BCL2L1: variants seen among roughly 807,000 people sequenced by gnomAD.
BCL2L1 encodes BCL2 like 1.
In BCL2L1, 1 loss-of-function variant was observed where a neutral mutation model predicts 18.7. The ratio of observed to expected loss-of-function variants is 0.05; its 90% CI spans 0.02 to 0.25. BCL2L1 has a LOEUF of 0.25. Ranked by LOEUF, BCL2L1 falls within the 10% of genes least tolerant of loss-of-function variation. The pLI is 1.00. For synonymous variants in BCL2L1, 103 were observed against 122.7 expected (o/e 0.84, Z 1.06); for missense variants, 207 against 304.9 (o/e 0.68, Z 2.39).
At chr20:31,681,548 G>A (rs2060861821) in intron 2 of BCL2L1, among the ~76,000 whole-genome samples, 1 of 152,170 alleles carries the variant, frequency 6.6e-6, no homozygotes, top group South Asian at 2.1e-4. Flanking sequence ...GGCTGAGGTG[G>A]GAGGACTGCT....
rs1319740423 is a variant in BCL2L1, at chr20:31,666,104, G to A, written c.565-18C>T. On this transcript the variant is annotated intron_variant, in intron 2 of 2. Coordinates refer to ENST00000307677, the MANE Select transcript of BCL2L1 (RefSeq NM_138578.3). ...AAAGTATCCTGCAGGGAGAGAGAAG[G>A]AAGGTGCAGTTTTAGTCCTCAGAGA... is the stretch of plus-strand genomic sequence containing the variant. 6.2e-7 allele frequency: 1 copy of A among 1,613,716 alleles called. No homozygotes were observed. The highest frequency in any genetic ancestry group is 1.3e-5 in the African/African-American group (1 of 74,920).
intron 2 of BCL2L1, among the ~76,000 whole-genome samples, chr20:31,676,476 A>G (rs1232175980): frequency 6.6e-6 from 1 of 152,112 alleles, no homozygotes; most frequent in Non-Finnish European, 1.5e-5. Context: ...ATGTGCTCAT[A>G]TAGGCTCATC....
chr20:31,706,230 C>T (rs756015270), intron 2 of BCL2L1, among the ~76,000 whole-genome samples: 2 of 152,156 alleles, frequency 1.3e-5, no homozygotes, highest in South Asian at 2.1e-4. Flanking sequence ...TGAAGTCCAG[C>T]GTAGGCAGGT....
At chr20:31,685,027 G>A (rs1480654937) in intron 2 of BCL2L1, among the ~76,000 whole-genome samples, 1 of 152,196 alleles carries the variant, frequency 6.6e-6, no homozygotes, top group Admixed American at 6.5e-5. Flanking sequence ...CTAGATTTTA[G>A]AGACTCTATA....
chr20:31,690,796 A>G (rs1231377010), intron 2 of BCL2L1, among the ~76,000 whole-genome samples: 1 of 152,118 alleles, frequency 6.6e-6, no homozygotes, highest in African/African-American at 2.4e-5. Context: ...TTAAAAAAGA[A>G]AAAAGGAAAA....
At chr20:31,698,289 G>T (rs780287396) in intron 2 of BCL2L1, among the ~76,000 whole-genome samples, 1 of 152,112 alleles carries the variant, frequency 6.6e-6, no homozygotes, top group Non-Finnish European at 1.5e-5. Flanking sequence ...CGCCCAGGTT[G>T]GAGTTCTGTG....
At chr20:31,710,739 G>T (rs2061442308) in intron 2 of BCL2L1, among the ~76,000 whole-genome samples, 1 of 152,248 alleles carries the variant, frequency 6.6e-6, no homozygotes. Flanking sequence ...CTACAGGTTT[G>T]GCACAGTTTG....
rs115065324 is a variant in BCL2L1, at chr20:31,693,333, A to G, written c.565-27247T>C. Among the ~76,000 whole-genome samples, 625 of 151,990 alleles carry G rather than the reference A, an allele frequency of 4.1e-3. 2 individuals carry two copies. Among genetic ancestry groups the G allele is most frequent in the African/African-American group, 0.014 (600 of 41,474 alleles). On this transcript the variant is annotated intron_variant, in intron 2 of 2. Transcript: ENST00000307677. The stretch of plus-strand genomic sequence containing the variant: ...AAATAATAATAATAATTAAAAAATT[A>G]GCTACTTGGCAGGCTGAGGCAGGAG...
intron 2 of BCL2L1, among the ~76,000 whole-genome samples, chr20:31,707,365 T>C (rs1199535423): frequency 2.0e-5 from 3 of 152,224 alleles, no homozygotes; most frequent in African/African-American, 4.8e-5. Flanking sequence ...GTGATTGCAA[T>C]GTGACAATAA....
intron 2 of BCL2L1, among the ~76,000 whole-genome samples, chr20:31,679,165 T>A (rs780054774): frequency 4.6e-5 from 7 of 152,182 alleles, no homozygotes; most frequent in African/African-American, 1.7e-4. Context: ...AACAGTAAGA[T>A]GCCTGAGATG....
chr20:31,690,616 G>A (rs1365905496), intron 2 of BCL2L1, among the ~76,000 whole-genome samples: 3 of 151,018 alleles, frequency 2.0e-5, no homozygotes, highest in Non-Finnish European at 4.4e-5. Context: ...TGTTGCCCAG[G>A]CTGGAATGCA....
At chr20:31,711,170 C>G (rs963290330) in intron 2 of BCL2L1, among the ~76,000 whole-genome samples, 19 of 152,180 alleles carry the variant, frequency 1.2e-4, no homozygotes, top group African/African-American at 4.6e-4. Context: ...ACTACTCAAC[C>G]CATAGTATCT....
chr20:31,691,445 C>T (rs1026544279), intron 2 of BCL2L1, among the ~76,000 whole-genome samples: 1 of 150,482 alleles, frequency 6.6e-6, no homozygotes, highest in East Asian at 1.9e-4. Flanking sequence ...ACCTGGGAGG[C>T]GGAGGTTGCA....
At chr20:31,721,463 T>A in intron 2 of BCL2L1, 192 bp downstream of exon 2, 1 of 651,050 alleles carries the variant, frequency 1.5e-6, no homozygotes, top group Non-Finnish European at 2.5e-6. Flanking sequence ...ATGCCTGATC[T>A]CTGAAGCACA....
intron 2 of BCL2L1, among the ~76,000 whole-genome samples, chr20:31,690,575 T>A (rs1006513752): frequency 6.9e-6 from 1 of 145,684 alleles, no homozygotes; most frequent in Admixed American, 6.8e-5. Flanking sequence ...CAGTATGTAT[T>A]TTTTTTTTTT....
intron 2 of BCL2L1, among the ~76,000 whole-genome samples, chr20:31,715,440 T>C (rs1459601367): frequency 3.9e-5 from 6 of 152,158 alleles, no homozygotes; most frequent in Non-Finnish European, 2.9e-5. Context: ...TCCAGCCACA[T>C]TGACCTTCTT....
rs17093552 is a variant in BCL2L1 at position 31,707,005 on chromosome 20, C to A, written c.564+14650G>T. Among the ~76,000 whole-genome samples, 1,487 of 152,322 alleles carry A rather than the reference C, an allele frequency of 9.8e-3. 23 individuals carry two copies. The highest frequency in any genetic ancestry group is 0.033 in the African/African-American group (1,378 of 41,558). On this transcript the variant is annotated intron_variant, in intron 2 of 2. Transcript: ENST00000307677. Reference sequence around the variant, plus strand: ...ACAATGCCATGTTTAATCATTCAAACCCATGTCAAGCACCTACTGTGTGCC... The same window carrying A: ...ACAATGCCATGTTTAATCATTCAAAACCATGTCAAGCACCTACTGTGTGCC...
chr20:31,687,044 C>G (rs6060716), intron 2 of BCL2L1, among the ~76,000 whole-genome samples: 54,589 of 152,024 alleles, frequency 0.36, 11,590 homozygotes, highest in African/African-American at 0.58. Context: ...CTGGCCGAGT[C>G]TGGTGGCTCA....
intron 2 of BCL2L1, among the ~76,000 whole-genome samples, chr20:31,667,484 C>CGTGTGTGTGTGTGT (rs3073682): frequency 0.019 from 2,562 of 135,242 alleles, 62 homozygotes; most frequent in African/African-American, 0.044. Context: ...ACCATAGTAC[C>CGTGTGTGTGTGTGT]GTGTGTGTGT....
Sources: gnomAD v4.1 joint callset for allele counts (sites outside exome capture counted in the v4.1 genomes callset) on GRCh38, gnomAD v4.1.1 for gene constraint, MANE v1.5 for transcripts, NCBI Gene and HGNC (gene_info 2026-07-23, HGNC 2026-07-21) for gene names.